CFAP276: variants seen among roughly 807,000 people sequenced by gnomAD.
The protein encoded by CFAP276 is cilia- and flagella-associated protein 276.
At chr1:109,113,467 A>AGAGAGAGAGGGG in the CFAP276 span, among the ~76,000 whole-genome samples, 1 of 126,320 alleles carries the variant, frequency 7.9e-6, no homozygotes, top group Non-Finnish European at 1.7e-5. Context: ...AGAGAGAGAG[A>AGAGAGAGAGGGG]GGCCCACGTG....
chr1:109,113,665 G>A, the CFAP276 span: 16 of 1,614,064 alleles, frequency 9.9e-6, no homozygotes, highest in Non-Finnish European at 1.4e-5. Context: ...CGTCTGGAGG[G>A]TGATCTCTCC....
the CFAP276 span, among the ~76,000 whole-genome samples, chr1:109,109,533 CTTT>C: frequency 8.4e-4 from 96 of 114,940 alleles, no homozygotes; most frequent in East Asian, 2.9e-3. Context: ...TGAGCCATAC[CTTT>C]TTTTTTTTTT....
At chr1:109,106,686 T>C in the CFAP276 span, 1 of 1,608,324 alleles carries the variant, frequency 6.2e-7, no homozygotes, top group Non-Finnish European at 8.5e-7. Flanking sequence ...GGAAGAAAAG[T>C]GGAGAGTGAA....
the CFAP276 span, chr1:109,107,885 G>A: frequency 1.7e-5 from 26 of 1,516,712 alleles, 1 homozygote; most frequent in African/African-American, 1.5e-4. Context: ...AGCCCTAAAC[G>A]GCTGCAAAGA....
the CFAP276 span, among the ~76,000 whole-genome samples, chr1:109,111,017 C>T: frequency 6.6e-6 from 1 of 152,212 alleles, no homozygotes; most frequent in Non-Finnish European, 1.5e-5. Context: ...GATCACCACC[C>T]CCTGTGGCAC....
the CFAP276 span, among the ~76,000 whole-genome samples, chr1:109,113,407 AGAGAGAGAAAGAGAGAG>A: frequency 1.2e-4 from 14 of 115,632 alleles, no homozygotes; most frequent in East Asian, 3.1e-3. Flanking sequence ...AGAGAGAGAG[AGAGAGAGAAAGAGAGAG>A]AGAGAGAGAG....
chr1:109,112,871 TGGGGAGGAAGCTCC>T, the CFAP276 span: 1 of 895,766 alleles, frequency 1.1e-6, no homozygotes, highest in Non-Finnish European at 1.6e-6. Context: ...GGGAGGCCCC[TGGGGAGGAAGCTCC>T]GGGGACTGCA....
chr1:109,109,230 C>A, the CFAP276 span, among the ~76,000 whole-genome samples: 2 of 151,986 alleles, frequency 1.3e-5, no homozygotes, highest in Non-Finnish European at 2.9e-5. Flanking sequence ...GGGCGGATCA[C>A]CTGAGGTCAG....
chr1:109,106,050 T>A, the CFAP276 span: 1 of 1,613,868 alleles, frequency 6.2e-7, no homozygotes, highest in South Asian at 1.1e-5. Context: ...GAAGCCACCA[T>A]CTTTCTTTCG....
the CFAP276 span, chr1:109,112,629 A>G: frequency 1.3e-6 from 2 of 1,550,668 alleles, no homozygotes; most frequent in East Asian, 2.4e-5. Flanking sequence ...CTAAGTAGGA[A>G]TCATCGTTAT....
the CFAP276 span, chr1:109,112,795 C>A: frequency 1.4e-6 from 2 of 1,471,392 alleles, no homozygotes; most frequent in Non-Finnish European, 1.8e-6. Flanking sequence ...GGTTGCCAGG[C>A]AACTGCCCAG....
the CFAP276 span, among the ~76,000 whole-genome samples, chr1:109,110,149 C>T: frequency 2.8e-4 from 42 of 152,276 alleles, no homozygotes; most frequent in South Asian, 6.6e-3. Flanking sequence ...AACCCTTTCT[C>T]CCCAGACCCA....
the CFAP276 span, among the ~76,000 whole-genome samples, chr1:109,109,553 T>C: frequency 8.4e-6 from 1 of 119,454 alleles, no homozygotes; most frequent in African/African-American, 3.7e-5. Flanking sequence ...TTTTTTTTTT[T>C]TGAGACAGAG....
the CFAP276 span, among the ~76,000 whole-genome samples, chr1:109,113,449 AGAGAGAGAGAGAGAGAGAGG>A: frequency 2.2e-4 from 31 of 143,032 alleles, 1 homozygote; most frequent in African/African-American, 6.9e-4. Flanking sequence ...AGAGAGAGAG[AGAGAGAGAGAGAGAGAGAGG>A]CCCACGTGCG....
At chr1:109,109,694 A>G in the CFAP276 span, among the ~76,000 whole-genome samples, 1 of 151,466 alleles carries the variant, frequency 6.6e-6, no homozygotes, top group African/African-American at 2.4e-5. Flanking sequence ...GTGCCACCGC[A>G]TCTGGCTAAT....
chr1:109,107,514 T>C, the CFAP276 span, among the ~76,000 whole-genome samples: 1 of 152,184 alleles, frequency 6.6e-6, no homozygotes, highest in Admixed American at 6.5e-5. Context: ...AAATTGATTT[T>C]TGGCTTTGGA....
the CFAP276 span, chr1:109,106,646 A>T: frequency 6.2e-7 from 1 of 1,613,754 alleles, no homozygotes; most frequent in Non-Finnish European, 8.5e-7. Context: ...TCTCCAGGGA[A>T]TTGGATCTTG....
At chr1:109,107,360 G>T in the CFAP276 span, among the ~76,000 whole-genome samples, 1 of 152,208 alleles carries the variant, frequency 6.6e-6, no homozygotes, top group Non-Finnish European at 1.5e-5. Context: ...TATTGTTCCT[G>T]ATGTGGGCTT....
chr1:109,113,451 A>AGAGAGAGAGAGAGAGT, the CFAP276 span, among the ~76,000 whole-genome samples: 12 of 120,448 alleles, frequency 1.0e-4, no homozygotes, highest in East Asian at 3.2e-3. Context: ...AGAGAGAGAG[A>AGAGAGAGAGAGAGAGT]GAGAGAGAGA....
Sources: gnomAD v4.1 joint callset for allele counts (sites outside exome capture counted in the v4.1 genomes callset) on GRCh38, gnomAD v4.1.1 for gene constraint, MANE v1.5 for transcripts, NCBI Gene and HGNC (gene_info 2026-07-23, HGNC 2026-07-21) for gene names.